Variants in TMEM106A observed in about 807,000 individuals in gnomAD.
The protein encoded by TMEM106A is transmembrane protein 106A.
Under a neutral mutation model 25.1 loss-of-function variants are expected in TMEM106A, and 22 were observed. The observed-to-expected ratio is 0.88, with a 90% CI of 0.63 to 1.25. The LOEUF is 1.25. Ranked by LOEUF, TMEM106A falls within the 50% of genes most tolerant of loss-of-function variation. The probability of loss-of-function intolerance (pLI) is 0.00; values close to 1 mark genes in which losing one functional copy is unlikely to be tolerated. For synonymous variants in TMEM106A, 104 were observed against 129.9 expected, an observed-to-expected ratio of 0.80 and a Z score of 1.35; for missense variants, 275 against 318.1, an observed-to-expected ratio of 0.86 and a Z score of 1.03.
chr17:43,216,858 C>T, intron 7 of TMEM106A, 118 bp downstream of exon 7: 3 of 1,331,948 alleles, frequency 2.3e-6, no homozygotes, highest in Non-Finnish European at 3.2e-6. Flanking sequence ...GGCCTGCCCT[C>T]CCATGGCCGA....
Position 43,216,290 on chromosome 17 carries a change from T to C in TMEM106A, c.430-159T>C, listed in dbSNP as rs113659992. ...ACTTCGTAAAGTTGACCCCTCACCA[T>C]TCAATGCCCCTCCAAGGGGCTCCCA... On this transcript the variant is annotated intron_variant, in intron 5 of 8. Transcript: ENST00000612339. 9.5e-3 allele frequency among the ~76,000 whole-genome samples: 1,451 copies of C among 152,274 alleles called. 18 individuals carry two copies. Among genetic ancestry groups the C allele is most frequent in the African/African-American group, 0.033 (1,353 of 41,542 alleles).
intron 4 of TMEM106A, among the ~76,000 whole-genome samples, chr17:43,215,224 C>G (rs1294425122): frequency 6.6e-6 from 1 of 151,288 alleles, no homozygotes; most frequent in Non-Finnish European, 1.5e-5. Context: ...GCTTGGGCGA[C>G]ACAGCAAGAC....
At chr17:43,217,165 TG>T in intron 7 of TMEM106A, 93 bp from the exon 8 acceptor site, 1 of 1,289,386 alleles carries the variant, frequency 7.8e-7, no homozygotes, top group Non-Finnish European at 1.1e-6. Flanking sequence ...AAGAGTTCTG[TG>T]GGGTAAGGAA....
rs1267786017 is a variant in TMEM106A, at chr17:43,216,708, A to G, written c.582A>G (p.Ala194=). Residue 194 remains alanine (A), a synonymous_variant, in exon 7 of 9, where the codon GCA becomes GCG. Transcript: ENST00000612339. ...CATTTGGTTGACAGATGTTTTACGC[A>G]GTAGCTACCAAGATACGGGATGAAA... ...GPLASEQMFY[A]VATKIRDENT... is the part of the protein sequence containing the mutation. 1 of 1,614,194 alleles carries G rather than the reference A, an allele frequency of 6.2e-7. No homozygotes were observed.
chr17:43,214,963 A>AC (rs1319278330), intron 4 of TMEM106A, among the ~76,000 whole-genome samples: 4 of 150,396 alleles, frequency 2.7e-5, no homozygotes, highest in Non-Finnish European at 4.4e-5. Flanking sequence ...TCATCTGAAA[A>AC]AAAAAAAAAA....
intron 5 of TMEM106A, 157 bp downstream of exon 5, chr17:43,216,098 A>G: frequency 1.1e-6 from 1 of 899,702 alleles, no homozygotes; most frequent in Non-Finnish European, 1.7e-6. Context: ...CATGAGCTCC[A>G]TGACAGATGG....
At position 43,217,777 on chromosome 17, in the gene TMEM106A, C is replaced by G. The variant is rs1567877557; in HGVS notation, c.765C>G (p.His255Gln). Residue 255 changes from histidine to glutamine, a missense_variant, in exon 9 of 9, where the codon CAC becomes CAG. Transcript: ENST00000612339. ...GCCGAGGAAACGCATCTGTGCCCCA[C>G]CAGCTGACCCCTCACCCACCATGAC... is the stretch of plus-strand genomic sequence containing the variant. ...VDCRGNASVP[H>Q]QLTPHPP 2 of 1,614,154 alleles carry G rather than the reference C, an allele frequency of 1.2e-6. No individual in the cohort carries two copies. Among genetic ancestry groups the G allele is most frequent in the East Asian group, 4.5e-5 (2 of 44,884 alleles).
Position 43,219,570 on chromosome 17 carries a change from TAA to T in TMEM106A, c.*1781_*1782del, listed in dbSNP as rs1033355666. The T allele has an allele frequency of 7.2e-5, 10 of 139,650 alleles. No homozygotes were observed. Among genetic ancestry groups the T allele is most frequent in the East Asian group, 2.1e-4 (1 of 4,862 alleles). The allele number at this position is 139,650 out of a possible 1,614,324, so 8.7% of individuals were successfully genotyped here. ...GCAGCAACATTAGCAAGACCCCGTT[TAA>T]AAAAAAAAAAAGAGCTGGGCGTAAT... On this transcript the variant is annotated 3_prime_UTR_variant, in exon 9 of 9. Transcript: ENST00000612339.
rs2057452172 is a variant in TMEM106A, at chr17:43,213,214, C to T, written c.173C>T (p.Thr58Ile). Residue 58 changes from threonine to isoleucine, a missense_variant, in exon 3 of 9, where the codon ACT becomes ATT. Physicochemically the swap from Thr to Ile is moderately conservative, Grantham distance 89. Coordinates refer to ENST00000612339, the MANE Select transcript of TMEM106A (RefSeq NM_145041.4). ...GGAACTGCTGATGCCAGCTTCGTGA[C>T]TTGTCCCACCTGCCAGGGCAGTGGC... ...CEGTADASFV[T>I]CPTCQGSGKI... is the part of the protein sequence containing the mutation. 1 of 1,614,232 alleles carries T rather than the reference C, an allele frequency of 6.2e-7. No individual in the cohort carries two copies.
intron 3 of TMEM106A, 148 bp downstream of exon 3, chr17:43,213,400 ACT>A: frequency 1.2e-6 from 1 of 818,846 alleles, no homozygotes; most frequent in Non-Finnish European, 1.9e-6. Flanking sequence ...CCAGGGAGAT[ACT>A]TAACTATCCT....
chr17:43,216,400 C>T, intron 5 of TMEM106A, 49 bp from the exon 6 acceptor site: 1 of 1,601,842 alleles, frequency 6.2e-7, no homozygotes, highest in Non-Finnish European at 8.5e-7. Flanking sequence ...TTGGCTTTTC[C>T]TAAGGATGGG....
chr17:43,213,902 C>G lies in TMEM106A; in HGVS notation c.275+11C>G, dbSNP rs186497595. On this transcript the variant is annotated intron_variant, in intron 4 of 8. Coordinates refer to ENST00000612339, the MANE Select transcript of TMEM106A (RefSeq NM_145041.4). ...GAAGCCCAAGCACACGTAAGCCCCC[C>G]TTCCTCCCCTAGCTTCACAAGCCAT... 2.8e-5 allele frequency: 45 copies of G among 1,614,014 alleles called. No homozygotes were observed. The highest frequency in any genetic ancestry group is 1.1e-4 in the African/African-American group (8 of 75,044).
intron 4 of TMEM106A, 134 bp from the exon 5 acceptor site, chr17:43,215,654 G>C (rs537245543): frequency 5.4e-4 from 500 of 933,456 alleles, no homozygotes; most frequent in Non-Finnish European, 7.6e-4. Flanking sequence ...GCCACATCTG[G>C]GGAGCTAAAT....
chr17:43,217,546 G>A (rs759467744), intron 8 of TMEM106A, 135 bp from the exon 9 acceptor site: 124 of 1,494,784 alleles, frequency 8.3e-5, no homozygotes, highest in Non-Finnish European at 1.1e-4. Context: ...GCTGTCCCAG[G>A]TACCTTGGCA....
chr17:43,216,856 C>T (rs995408443), intron 7 of TMEM106A, 116 bp downstream of exon 7: 7 of 1,344,592 alleles, frequency 5.2e-6, no homozygotes, highest in Non-Finnish European at 6.4e-6. Context: ...CTGGCCTGCC[C>T]TCCCATGGCC....
At chr17:43,215,125 C>A (rs2057472995) in intron 4 of TMEM106A, among the ~76,000 whole-genome samples, 1 of 151,944 alleles carries the variant, frequency 6.6e-6, no homozygotes, top group Admixed American at 6.6e-5. Context: ...CACCTGTAAT[C>A]CCAGCTACTC....
At chr17:43,212,889 C>T in intron 2 of TMEM106A, 132 bp from the exon 3 acceptor site, 1 of 655,680 alleles carries the variant, frequency 1.5e-6, no homozygotes, top group Non-Finnish European at 2.6e-6. Flanking sequence ...TTTTCACATC[C>T]TATCTTCCTT....
chr17:43,213,435 C>T (rs1567875404), intron 3 of TMEM106A, among the ~76,000 whole-genome samples, 183 bp downstream of exon 3: 1 of 152,308 alleles, frequency 6.6e-6, no homozygotes, highest in East Asian at 1.9e-4. Context: ...AAAAACCTGC[C>T]CTCCTTCCCT....
rs991304139 is a variant in TMEM106A at position 43,213,338 on chromosome 17, T to C, written c.211+86T>C. On this transcript the variant is annotated intron_variant, in intron 3 of 8. Coordinates refer to ENST00000612339, the MANE Select transcript of TMEM106A (RefSeq NM_145041.4). ...CCTGGGGCAGCCCCTCTGAGTCTCC[T>C]TGGATGGGGTTAGATCTGCTCCCAG... 3.6e-6 allele frequency: 5 copies of C among 1,394,866 alleles called. No individual in the cohort carries two copies. The African/African-American group carries it at 5.7e-5, about 16-fold the overall frequency. The allele number at this position is 1,394,866 out of a possible 1,614,324, so 86.4% of individuals were successfully genotyped here. A position where few individuals can be genotyped will look rare whatever the true frequency, so the allele number is the denominator to read the frequency against.
Sources: gnomAD v4.1 joint callset for allele counts (sites outside exome capture counted in the v4.1 genomes callset) on GRCh38, gnomAD v4.1.1 for gene constraint, MANE v1.5 for transcripts, NCBI Gene and HGNC (gene_info 2026-07-23, HGNC 2026-07-21) for gene names.